Variants in ASTN2 observed in about 807,000 individuals in gnomAD.
ASTN2 encodes the protein astrotactin 2.
In ASTN2, 54 loss-of-function variants were observed where a neutral mutation model predicts 139.8. The ratio of observed to expected loss-of-function variants is 0.39; its 90% CI spans 0.31 to 0.48. The LOEUF is 0.48. Ranked by LOEUF, ASTN2 falls within the 20% of genes least tolerant of loss-of-function variation. ASTN2 has a pLI of 0.95. For missense variants in ASTN2, 1,565 were observed against 1,725.1 expected (o/e 0.91, Z 1.64); for synonymous variants, 756 against 719.5 (o/e 1.05, Z -0.81).
At chr9:117,286,354 C>CTTT (rs35094114) in intron 2 of ASTN2, among the ~76,000 whole-genome samples, 2,447 of 135,684 alleles carry the variant, frequency 0.018, 94 homozygotes, top group African/African-American at 0.051. Context: ...TTCCCACTTT[C>CTTT]TTTTTTTTTT....
intron 5 of ASTN2, among the ~76,000 whole-genome samples, chr9:117,084,797 C>T (rs962040531): frequency 3.3e-5 from 5 of 152,054 alleles, no homozygotes; most frequent in African/African-American, 9.7e-5. Context: ...TGGTGGTTCT[C>T]GATGCTGGCT....
chr9:117,060,717 C>A (rs1488910079), intron 5 of ASTN2, among the ~76,000 whole-genome samples: 2 of 151,500 alleles, frequency 1.3e-5, no homozygotes, highest in Non-Finnish European at 2.9e-5. Context: ...CATGGTGAAA[C>A]CCCGTCTCCA....
chr9:117,414,238 G>C lies in ASTN2; in HGVS notation c.442+259C>G, dbSNP rs541519039. Among the ~76,000 whole-genome samples the C allele has an allele frequency of 6.6e-6, 1 of 152,094 alleles. No homozygotes were observed. The highest frequency in any genetic ancestry group is 2.4e-5 in the African/African-American group (1 of 41,434). ...GATGGATCAAGCAGAGCTCCAGGTC[G>C]GGACTGAGAGGCAGAGGGGCAGGTT... On this transcript the variant is annotated intron_variant, in intron 1 of 22. Transcript: ENST00000313400. The surrounding 1 kb of genome is among the most constrained non-coding windows in gnomAD (Gnocchi z 4.2).
chr9:117,352,670 G>A (rs1006803571), intron 1 of ASTN2, among the ~76,000 whole-genome samples: 2 of 152,086 alleles, frequency 1.3e-5, no homozygotes, highest in Non-Finnish European at 2.9e-5. Context: ...AGAATTTAAG[G>A]ATTAAGATAT....
intron 10 of ASTN2, among the ~76,000 whole-genome samples, chr9:116,963,321 G>C (rs1395235962): frequency 6.6e-6 from 1 of 152,164 alleles, no homozygotes. Context: ...ACTGGCAAAG[G>C]CAAGGAAAAT....
chr9:116,897,080 C>T (rs1359708428), intron 10 of ASTN2, among the ~76,000 whole-genome samples: 1 of 152,174 alleles, frequency 6.6e-6, no homozygotes, highest in Non-Finnish European at 1.5e-5. Context: ...TCATCTTTTG[C>T]TGTGGATTGT....
chr9:116,948,975 G>A (rs924937826), intron 10 of ASTN2, among the ~76,000 whole-genome samples: 6 of 151,370 alleles, frequency 4.0e-5, no homozygotes, highest in African/African-American at 1.5e-4. Flanking sequence ...ATTTTTAGTA[G>A]AGACTGGGTT....
At position 116,565,381 on chromosome 9, in the gene ASTN2, CTCTCTCCATATATATA is replaced by C. The variant is rs1288143032; in HGVS notation, c.3355+52927_3355+52942del. Reference sequence around the variant, plus strand: ...TCTCTCTCTCTCTCTCTCTCTCTCTCTCTCTCCATATATATATATATATATATATATATATATATAT... The same window carrying C: ...TCTCTCTCTCTCTCTCTCTCTCTCTCTATATATATATATATATATATATAT... On this transcript the variant is annotated intron_variant, in intron 19 of 22. Transcript: ENST00000313400. 3.3e-3 allele frequency among the ~76,000 whole-genome samples: 114 copies of C among 34,714 alleles called. 2 individuals are homozygous for C. The highest frequency in any genetic ancestry group is 0.014 in the South Asian group (14 of 1,034). The allele number at this position is 34,714 out of a possible 152,430, so 22.8% of individuals were successfully genotyped here.
intron 17 of ASTN2, among the ~76,000 whole-genome samples, chr9:116,631,667 G>A (rs931874913): frequency 1.3e-5 from 2 of 152,118 alleles, no homozygotes; most frequent in Admixed American, 1.3e-4. Flanking sequence ...ACAGTAGGAT[G>A]ACTATAGTTA....
intron 6 of ASTN2, among the ~76,000 whole-genome samples, chr9:117,030,131 T>C (rs1838206636): frequency 6.6e-6 from 1 of 152,166 alleles, no homozygotes; most frequent in South Asian, 2.1e-4. Flanking sequence ...ATCAATCCAC[T>C]TAATGTCTTT....
chr9:116,860,947 G>A (rs921614989), intron 11 of ASTN2, among the ~76,000 whole-genome samples: 2 of 152,164 alleles, frequency 1.3e-5, no homozygotes, highest in African/African-American at 4.8e-5. Flanking sequence ...AGTCTACAGA[G>A]AAATGAAAGG....
intron 11 of ASTN2, among the ~76,000 whole-genome samples, chr9:116,844,507 G>A (rs983946271): frequency 6.6e-6 from 1 of 151,664 alleles, no homozygotes; most frequent in Non-Finnish European, 1.5e-5. Flanking sequence ...TACTAACCAT[G>A]TAATGTTAGC....
intron 17 of ASTN2, among the ~76,000 whole-genome samples, chr9:116,648,419 A>G (rs1313083458): frequency 1.3e-5 from 2 of 152,082 alleles, no homozygotes; most frequent in African/African-American, 4.8e-5. Context: ...GGCGTGAACC[A>G]CTGGCCCTGG....
intron 20 of ASTN2, among the ~76,000 whole-genome samples, chr9:116,450,876 G>A (rs1038606835): frequency 6.6e-6 from 1 of 152,156 alleles, no homozygotes; most frequent in Non-Finnish European, 1.5e-5. Flanking sequence ...CCGGAACAGA[G>A]AGACCATCTT....
intron 19 of ASTN2, among the ~76,000 whole-genome samples, chr9:116,498,595 C>T (rs1287008028): frequency 6.8e-6 from 1 of 147,210 alleles, no homozygotes; most frequent in African/African-American, 2.6e-5. Context: ...GAGACCCTAC[C>T]TCAAAAAAAA....
intron 4 of ASTN2, among the ~76,000 whole-genome samples, chr9:117,097,044 T>A (rs1359165974): frequency 6.6e-6 from 1 of 152,106 alleles, no homozygotes; most frequent in Non-Finnish European, 1.5e-5. Context: ...CCAGCCATGG[T>A]ATATACAAGG....
At chr9:116,963,048 T>C (rs376483622) in intron 10 of ASTN2, among the ~76,000 whole-genome samples, 1 of 152,140 alleles carries the variant, frequency 6.6e-6, no homozygotes, top group Non-Finnish European at 1.5e-5. Flanking sequence ...CAGGAACACA[T>C]AGACTACCAG....
At chr9:116,506,510 A>G (rs978166079) in intron 19 of ASTN2, among the ~76,000 whole-genome samples, 2 of 152,148 alleles carry the variant, frequency 1.3e-5, no homozygotes, top group Admixed American at 6.5e-5. Flanking sequence ...GTGACTTCAC[A>G]TGTTCTCCAC....
chr9:116,592,078 C>G (rs1168827088), intron 19 of ASTN2, among the ~76,000 whole-genome samples: 1 of 152,098 alleles, frequency 6.6e-6, no homozygotes, highest in African/African-American at 2.4e-5. Context: ...ATAGCCTATG[C>G]ACATCCTCCC....
Sources: allele counts gnomAD v4.1 joint callset (sites outside exome capture counted in the v4.1 genomes callset), GRCh38; gene constraint gnomAD v4.1.1; non-coding constraint Gnocchi (gnomAD v3.1); transcripts MANE v1.5; gene names NCBI Gene and HGNC (gene_info 2026-07-23, HGNC 2026-07-21).